The following ANO4 variants were observed in gnomAD, a reference collection of about 807,000 sequenced individuals.
ANO4 encodes the protein anoctamin-4.
Under a neutral mutation model 141.9 loss-of-function variants are expected in ANO4, and 69 were observed. That is an observed-to-expected ratio of 0.49 (90% CI 0.40 to 0.59). The LOEUF is 0.59. Among genes scored for constraint, ANO4 ranks in the 20% least tolerant of loss-of-function variants. ANO4 has a pLI of 0.00. For synonymous variants in ANO4, 350 were observed against 394.3 expected (o/e 0.89, Z 1.33); for missense variants, 894 against 1,162.2 (o/e 0.77, Z 3.36).
At chr12:100,845,548 A>AT (rs960729720) in intron 1 of ANO4, among the ~76,000 whole-genome samples, 57 of 152,264 alleles carry the variant, frequency 3.7e-4, no homozygotes, top group African/African-American at 1.2e-3. Flanking sequence ...ATTTGCTTAT[A>AT]TTTTTATAGC....
chr12:101,040,185 C>G (rs2047360123), intron 11 of ANO4, 109 bp downstream of exon 11: 1 of 1,359,446 alleles, frequency 7.4e-7, no homozygotes, highest in Non-Finnish European at 9.7e-7. Flanking sequence ...GTGTACAGCT[C>G]TCACTCATAT....
chr12:100,891,053 T>G (rs2040081613), intron 1 of ANO4, among the ~76,000 whole-genome samples: 1 of 152,212 alleles, frequency 6.6e-6, no homozygotes, highest in African/African-American at 2.4e-5. Flanking sequence ...TATGTAGCCT[T>G]TTCAGACTGG....
At chr12:100,881,733 G>A (rs2039579582) in intron 1 of ANO4, among the ~76,000 whole-genome samples, 1 of 152,180 alleles carries the variant, frequency 6.6e-6, no homozygotes, top group African/African-American at 2.4e-5. Flanking sequence ...TTCTCTACTT[G>A]TAGAGTTTTT....
chr12:100,891,117 T>A (rs558925712), intron 1 of ANO4, among the ~76,000 whole-genome samples: 1 of 152,314 alleles, frequency 6.6e-6, no homozygotes, highest in African/African-American at 2.4e-5. Context: ...AATGGACAGT[T>A]AAGGTTCCCA....
chr12:100,812,458 G>A (rs1717669541), intron 1 of ANO4, among the ~76,000 whole-genome samples: 1 of 150,702 alleles, frequency 6.6e-6, no homozygotes, highest in Admixed American at 6.6e-5. Flanking sequence ...ACTCCAATAT[G>A]TTTGTATTTA....
chr12:100,962,484 G>C (rs1218572724), intron 5 of ANO4, among the ~76,000 whole-genome samples: 1 of 152,196 alleles, frequency 6.6e-6, no homozygotes, highest in East Asian at 1.9e-4. Context: ...TGCTCCCACA[G>C]TCTCTGTGGG....
intron 3 of ANO4, among the ~76,000 whole-genome samples, chr12:100,781,931 T>C (rs1322146744): frequency 2.0e-5 from 3 of 152,196 alleles, no homozygotes; most frequent in Non-Finnish European, 2.9e-5. Context: ...AACTGGTTTC[T>C]GTTTGTGTGC....
chr12:100,911,317 T>A (rs1482137945), intron 2 of ANO4, among the ~76,000 whole-genome samples: 1 of 152,214 alleles, frequency 6.6e-6, no homozygotes, highest in African/African-American at 2.4e-5. Context: ...TTCTCTTATT[T>A]AATGTGCTAT....
chr12:100,853,239 A>C (rs926913584), intron 1 of ANO4, among the ~76,000 whole-genome samples: 1 of 152,202 alleles, frequency 6.6e-6, no homozygotes, highest in Non-Finnish European at 1.5e-5. Context: ...CCTAATAAGT[A>C]GCTTGCCTTT....
chr12:100,901,138 C>A (rs780900096), intron 1 of ANO4, among the ~76,000 whole-genome samples: 18 of 152,102 alleles, frequency 1.2e-4, no homozygotes, highest in Non-Finnish European at 2.4e-4. Context: ...TTGGAAAAAT[C>A]TTGATATTTG....
intron 14 of ANO4, among the ~76,000 whole-genome samples, chr12:101,061,410 G>C (rs894102574): frequency 6.6e-6 from 1 of 151,708 alleles, no homozygotes; most frequent in African/African-American, 2.4e-5. Context: ...TGTATTTCCT[G>C]AATTTGAATG....
intron 8 of ANO4, among the ~76,000 whole-genome samples, chr12:100,994,856 C>A (rs1160071690): frequency 6.6e-6 from 1 of 152,088 alleles, no homozygotes; most frequent in Non-Finnish European, 1.5e-5. Flanking sequence ...AAATTATAAA[C>A]CAGCAGTTGT....
intron 2 of ANO4, among the ~76,000 whole-genome samples, chr12:100,736,602 AG>A (rs2031629273): frequency 6.6e-6 from 1 of 152,180 alleles, no homozygotes; most frequent in Non-Finnish European, 1.5e-5. Context: ...TCCCCCAAAA[AG>A]GTACTTTGAA....
At chr12:100,769,546 A>G (rs1448173898) in intron 3 of ANO4, among the ~76,000 whole-genome samples, 1 of 152,214 alleles carries the variant, frequency 6.6e-6, no homozygotes, top group African/African-American at 2.4e-5. Context: ...GGCTGTTATA[A>G]ATTTGCATAG....
intron 22 of ANO4, among the ~76,000 whole-genome samples, chr12:101,105,173 C>G (rs2050391801): frequency 6.6e-6 from 1 of 152,102 alleles, no homozygotes; most frequent in Admixed American, 6.5e-5. Flanking sequence ...GGAACAAGAA[C>G]AAATCAAAGG....
chr12:101,111,596 T>TTC lies in ANO4; in HGVS notation c.2342_2343dup (p.Val782LeufsTer9), dbSNP rs1217231702. On this transcript the variant is annotated frameshift_variant, in exon 24 of 28. Coordinates refer to ENST00000392977, the MANE Select transcript of ANO4 (RefSeq NM_001286615.2). LOFTEE classifies it high-confidence loss of function. The stretch of plus-strand genomic sequence containing the variant: ...TATGGAATTCTTGAAGGCATTGGAA[T>TTC]TCTCTCTGTTATCACAAATGCATTT... 6.2e-7 allele frequency: 1 copy of TTC among 1,610,932 alleles called. No individual in the cohort carries two copies. Among genetic ancestry groups the TTC allele is most frequent in the African/African-American group, 1.3e-5 (1 of 74,782 alleles).
intron 1 of ANO4, among the ~76,000 whole-genome samples, chr12:100,826,336 C>T (rs2036339625): frequency 6.6e-6 from 1 of 152,010 alleles, no homozygotes; most frequent in Non-Finnish European, 1.5e-5. Flanking sequence ...AAAAGATTCA[C>T]TAAGCTTATT....
intron 14 of ANO4, chr12:101,069,107 A>C: frequency 8.0e-7 from 1 of 1,246,322 alleles, no homozygotes; most frequent in South Asian, 1.2e-5. Flanking sequence ...AGAACTGATA[A>C]ATTTCAAACG....
At chr12:100,770,042 A>G (rs1327090728) in intron 3 of ANO4, among the ~76,000 whole-genome samples, 3 of 152,232 alleles carry the variant, frequency 2.0e-5, no homozygotes, top group Non-Finnish European at 4.4e-5. Flanking sequence ...AACACGTTAT[A>G]TTACTTTTAG....
Sources: gnomAD v4.1 joint callset for allele counts (sites outside exome capture counted in the v4.1 genomes callset) on GRCh38, gnomAD v4.1.1 for gene constraint, MANE v1.5 for transcripts, NCBI Gene and HGNC (gene_info 2026-07-23, HGNC 2026-07-21) for gene names.